LARP4: variants seen among roughly 807,000 people sequenced by gnomAD.
The protein encoded by LARP4 is la-related protein 4.
A neutral mutation model predicts 92.9 loss-of-function variants in LARP4; 29 were observed. The ratio of observed to expected loss-of-function variants is 0.31; its 90% CI spans 0.23 to 0.43. The LOEUF (loss-of-function observed/expected upper bound fraction) is 0.43, where lower values mean the gene tolerates loss of function less well. Ranked by LOEUF, LARP4 falls within the 20% of genes least tolerant of loss-of-function variation. The pLI is 1.00. For synonymous variants in LARP4, 279 were observed against 284.1 expected (o/e 0.98, Z 0.18); for missense variants, 732 against 860.0 (o/e 0.85, Z 1.86).
At chr12:50,408,397 A>T (rs1487393706) in intron 1 of LARP4, among the ~76,000 whole-genome samples, 2 of 151,780 alleles carry the variant, frequency 1.3e-5, no homozygotes, top group South Asian at 4.2e-4. Flanking sequence ...GGGATTCTCC[A>T]TGTTGGTCAG....
chr12:50,454,326 A>C lies in LARP4; in HGVS notation c.1030A>C (p.Asn344His). ...YFETPLAPFP[N>H]GSFVNGFNSP... ...CATTTTTTTCTAGGCTCCCTTTCCC[A>C]ATGGTAGTTTTGTGAATGGCTTTAA... is the stretch of plus-strand genomic sequence containing the variant. Residue 344 changes from asparagine (N) to histidine (H), a missense_variant, in exon 10 of 16, where the codon AAT (asparagine) becomes CAT (histidine). Asn to His is a moderately conservative substitution (Grantham distance 68, BLOSUM62 1). Around this residue, in one of 7 missense-constraint regions of LARP4, gnomAD observed 264 missense variants for 269.5 expected, o/e 0.98. Transcript: ENST00000398473. 1.9e-6 allele frequency: 3 copies of C among 1,612,440 alleles called. No homozygotes were observed. Among genetic ancestry groups the C allele is most frequent in the Non-Finnish European group, 1.7e-6 (2 of 1,179,328 alleles).
At chr12:50,442,656 C>T (rs930316630) in intron 8 of LARP4, among the ~76,000 whole-genome samples, 1 of 152,266 alleles carries the variant, frequency 6.6e-6, no homozygotes, top group Middle Eastern at 3.4e-3. Context: ...CTCTGTGTGT[C>T]ACTTTCTGTT....
chr12:50,438,393 A>G (rs983811852), intron 6 of LARP4, among the ~76,000 whole-genome samples: 1 of 151,684 alleles, frequency 6.6e-6, no homozygotes, highest in African/African-American at 2.4e-5. Context: ...GCTACTTGAG[A>G]GGCTGAGGCT....
chr12:50,409,845 C>G, intron 1 of LARP4, among the ~76,000 whole-genome samples: 1 of 151,250 alleles, frequency 6.6e-6, no homozygotes, highest in East Asian at 1.9e-4. Flanking sequence ...ATTGCCCAGG[C>G]TGGAGCGATC....
chr12:50,415,658 G>A (rs537168371), intron 1 of LARP4: 2 of 148,050 alleles, frequency 1.4e-5, no homozygotes, highest in South Asian at 2.2e-4. Flanking sequence ...CTCAGTATGT[G>A]TACTAGTGAA....
At chr12:50,420,437 G>C (rs1947549063) in intron 1 of LARP4, among the ~76,000 whole-genome samples, 1 of 152,216 alleles carries the variant, frequency 6.6e-6, no homozygotes, top group Non-Finnish European at 1.5e-5. Flanking sequence ...AATATTTTAA[G>C]AGAGAATGGC....
intron 10 of LARP4, among the ~76,000 whole-genome samples, chr12:50,457,973 AC>A (rs1485960846): frequency 6.7e-6 from 1 of 149,196 alleles, no homozygotes; most frequent in African/African-American, 2.5e-5. Flanking sequence ...TTGCCCTGTC[AC>A]CCAGGCTGTA....
chr12:50,472,823 CT>C (rs779219895), intron 13 of LARP4, among the ~76,000 whole-genome samples: 215 of 141,626 alleles, frequency 1.5e-3, no homozygotes, highest in Middle Eastern at 3.6e-3. Context: ...CTATGTTTAA[CT>C]TTTTTTTTTT....
rs1955340133 is a variant in LARP4, at chr12:50,461,327, T to A, written c.1314T>A (p.Asn438Lys). ...KETSTLQVEQ[N>K]GDYGRGRRTL... ...CTTCCACTTTGCAGGTGGAACAGAA[T>A]GGGGACTATGGTAGGGGCAGGTAAG... Residue 438 changes from asparagine (N) to lysine (K), a missense_variant, in exon 11 of 16, where the codon AAT becomes AAA. By Grantham distance (94) the Asn-to-Lys change is moderately conservative. Around this residue, in one of 7 missense-constraint regions of LARP4, gnomAD observed 264 missense variants for 269.5 expected, o/e 0.98. Transcript: ENST00000398473. 1.9e-6 allele frequency: 3 copies of A among 1,614,004 alleles called. No homozygotes were observed. Among genetic ancestry groups the A allele is most frequent in the Non-Finnish European group, 1.7e-6 (2 of 1,179,990 alleles).
chr12:50,463,314 C>T (rs895559942), intron 12 of LARP4, among the ~76,000 whole-genome samples: 2 of 146,348 alleles, frequency 1.4e-5, no homozygotes, highest in African/African-American at 2.5e-5. Flanking sequence ...CCAGGCATGG[C>T]GACTCAAGTC....
chr12:50,432,599 C>T (rs1163579603), intron 4 of LARP4, among the ~76,000 whole-genome samples: 1 of 152,064 alleles, frequency 6.6e-6, no homozygotes, highest in Non-Finnish European at 1.5e-5. Flanking sequence ...GTGGCTCACA[C>T]CTGTAATCCC....
At chr12:50,445,806 A>G (rs1951917340) in intron 8 of LARP4, among the ~76,000 whole-genome samples, 1 of 151,906 alleles carries the variant, frequency 6.6e-6, no homozygotes, top group Admixed American at 6.6e-5. Flanking sequence ...ATTTCCCCTT[A>G]ATTTCAATTT....
intron 1 of LARP4, chr12:50,412,500 A>G (rs941905628): frequency 2.6e-6 from 2 of 767,204 alleles, no homozygotes; most frequent in Non-Finnish European, 3.2e-6. Flanking sequence ...CGGTTTTACC[A>G]TATTTATGGT....
chr12:50,441,613 A>G lies in LARP4; in HGVS notation c.774A>G (p.Glu258=). ...AGGCTTTTAAATACTTAAGAGAAGA[A>G]GTTAAAACATTTCAGGGCAAGCCAA... ...AQQAFKYLRE[E]VKTFQGKPIM... is the part of the protein sequence containing the mutation. The change falls in exon 8 of 16, where the codon GAA becomes GAG. Residue 258 remains glutamate (E), a synonymous_variant. Coordinates refer to ENST00000398473, the MANE Select transcript of LARP4 (RefSeq NM_052879.5). 1 of 1,601,876 alleles carries G rather than the reference A, an allele frequency of 6.2e-7. No individual in the cohort carries two copies. Among genetic ancestry groups the G allele is most frequent in the Non-Finnish European group, 8.5e-7 (1 of 1,176,148 alleles).
At chr12:50,416,007 T>G (rs940407907) in intron 1 of LARP4, among the ~76,000 whole-genome samples, 1 of 151,210 alleles carries the variant, frequency 6.6e-6, no homozygotes. Flanking sequence ...GCCCCCACCC[T>G]CCATGTTTTC....
intron 12 of LARP4, among the ~76,000 whole-genome samples, chr12:50,464,174 T>C (rs1955841057): frequency 6.6e-6 from 1 of 152,314 alleles, no homozygotes; most frequent in African/African-American, 2.4e-5. Flanking sequence ...TACTTGAGAC[T>C]GGATAATTCA....
chr12:50,462,176 T>A (rs968776767), intron 11 of LARP4, among the ~76,000 whole-genome samples: 3 of 151,760 alleles, frequency 2.0e-5, no homozygotes, highest in Non-Finnish European at 4.4e-5. Context: ...TGTAGAAAGA[T>A]GTTTAAATTG....
At chr12:50,430,675 T>C (rs878966094) in intron 4 of LARP4, 105 bp downstream of exon 4, 1 of 650,474 alleles carries the variant, frequency 1.5e-6, no homozygotes, top group South Asian at 2.4e-5. Flanking sequence ...TTTTTTTATT[T>C]TCTTGAGACA....
chr12:50,457,562 C>T (rs1386865518), intron 10 of LARP4, among the ~76,000 whole-genome samples: 1 of 151,984 alleles, frequency 6.6e-6, no homozygotes, highest in East Asian at 1.9e-4. Context: ...GCCTATATTC[C>T]CCACACATTG....
Sources: gnomAD v4.1 joint callset for allele counts (sites outside exome capture counted in the v4.1 genomes callset) on GRCh38, gnomAD v4.1.1 for gene constraint, gnomAD v4.1.1 regional missense constraint, MANE v1.5 for transcripts, NCBI Gene and HGNC (gene_info 2026-07-23, HGNC 2026-07-21) for gene names.